GNB1L: variants seen among roughly 807,000 people sequenced by gnomAD.
The protein encoded by GNB1L is G protein subunit beta 1 like.
Under a neutral mutation model 29.1 loss-of-function variants are expected in GNB1L, and 20 were observed. That is an observed-to-expected ratio of 0.69 (90% confidence interval 0.48 to 1.00). The LOEUF is 1.00. GNB1L is among the 50% of genes least tolerant of loss of function. The pLI, the probability that GNB1L is intolerant of heterozygous loss-of-function variation, is 0.00. For missense variants in GNB1L, 421 were observed against 464.9 expected, an observed-to-expected ratio of 0.91 and a Z score of 0.87; for synonymous variants, 193 against 206.5, an observed-to-expected ratio of 0.93 and a Z score of 0.56.
rs1937526304 is a variant in GNB1L, at chr22:19,816,653, TACAC to T, written c.254+3941_254+3944del. The stretch of plus-strand genomic sequence containing the variant: ...ACACCTCATACACACCTCACATACA[TACAC>T]ACCACACAGGCACCTCACACATACA... On this transcript the variant is annotated intron_variant, in intron 4 of 7. Coordinates refer to ENST00000329517, the MANE Select transcript of GNB1L (RefSeq NM_053004.3). This position sits in a 1 kb window ranked among gnomAD's most constrained non-coding sequence, Gnocchi z 4.4. Among the ~76,000 whole-genome samples the T allele has an allele frequency of 6.6e-6, 1 of 151,866 alleles. No individual in the cohort carries two copies. The highest frequency in any genetic ancestry group is 1.5e-5 in the Non-Finnish European group (1 of 67,914).
At chr22:19,806,635 T>C in intron 6 of GNB1L, 24 bp downstream of exon 6, 1 of 1,482,950 alleles carries the variant, frequency 6.7e-7, no homozygotes, top group Non-Finnish European at 9.4e-7. Flanking sequence ...CGGCAGGGCG[T>C]GGCTGGTGCA....
At chr22:19,790,093 A>G (rs1404388083) in intron 7 of GNB1L, among the ~76,000 whole-genome samples, 1 of 152,196 alleles carries the variant, frequency 6.6e-6, no homozygotes, top group Non-Finnish European at 1.5e-5. Context: ...ATTTCTGAAC[A>G]TGTAAGAACT....
intron 2 of GNB1L, among the ~76,000 whole-genome samples, chr22:19,824,997 A>G (rs1009950266): frequency 2.6e-5 from 4 of 152,186 alleles, no homozygotes; most frequent in African/African-American, 9.6e-5. Context: ...AAATCAGCAA[A>G]GAGTACCACG....
intron 2 of GNB1L, chr22:19,850,276 C>T: frequency 1.0e-6 from 1 of 983,818 alleles, no homozygotes. Context: ...CAATTGTGTA[C>T]CAGGCCACAG....
In GNB1L at chr22:19,791,657, G is replaced by A. The variant is rs190056626; in HGVS notation, c.733-2697C>T. Among the ~76,000 whole-genome samples, 55 of 152,332 alleles carry A rather than the reference G, an allele frequency of 3.6e-4. No individual in the cohort carries two copies. In the East Asian group the frequency reaches 4.6e-3, roughly 13 times the overall value. The stretch of plus-strand genomic sequence containing the variant: ...GAGTCTTGTGTGAGGGCTGGACTGC[G>A]CATGCTCACGGTGGACTCCACAGGG... On this transcript the variant is annotated intron_variant, in intron 7 of 7. Transcript: ENST00000329517.
At chr22:19,824,471 T>C (rs1162700141) in intron 2 of GNB1L, among the ~76,000 whole-genome samples, 2 of 152,218 alleles carry the variant, frequency 1.3e-5, no homozygotes, top group African/African-American at 4.8e-5. Context: ...CTGCCTGCTC[T>C]TCCAGGTGTC....
At chr22:19,815,168 A>C (rs1937519662) in intron 4 of GNB1L, among the ~76,000 whole-genome samples, 6 of 152,224 alleles carry the variant, frequency 3.9e-5, no homozygotes. Flanking sequence ...GAAGAAATTG[A>C]AACAAAGTCT....
chr22:19,800,793 G>T (rs1009640953), intron 7 of GNB1L, among the ~76,000 whole-genome samples: 1 of 152,208 alleles, frequency 6.6e-6, no homozygotes, highest in Admixed American at 6.5e-5. Flanking sequence ...CACTGGGGCC[G>T]CTCACAGAAC....
chr22:19,828,615 A>G (rs1376949011), intron 2 of GNB1L, among the ~76,000 whole-genome samples: 1 of 151,910 alleles, frequency 6.6e-6, no homozygotes, highest in African/African-American at 2.4e-5. Context: ...CACTGCATTA[A>G]AGCCTGGGTG....
intron 6 of GNB1L, among the ~76,000 whole-genome samples, chr22:19,805,781 CAA>C (rs535320240): frequency 6.8e-6 from 1 of 147,436 alleles, no homozygotes; most frequent in African/African-American, 2.5e-5. Context: ...GACTCCATCA[CAA>C]AAAAAAAATA....
Position 19,802,047 on chromosome 22 carries a change from C to G in GNB1L, c.686G>C (p.Gly229Ala), listed in dbSNP as rs1402335458. 6.2e-7 allele frequency: 1 copy of G among 1,610,242 alleles called. No individual in the cohort carries two copies. Among genetic ancestry groups the G allele is most frequent in the African/African-American group, 1.3e-5 (1 of 74,876 alleles). The part of the protein sequence containing the change: ...QKARGISGSA[G>A]KALAVWSLDW... ...CAGGCTCCAGACAGCCAGCGCCTTC[C>G]CCGCGGAGCCTGAGATGCCCCTGGC... The change falls in exon 7 of 8, where the codon GGG becomes GCG. Residue 229 changes from glycine to alanine, a missense_variant. By Grantham distance (60) the Gly-to-Ala change is moderately conservative. Transcript: ENST00000329517.
rs73379999 is a variant in GNB1L, at chr22:19,848,026, G to A, written c.-21+6417C>T. ...CTAAATTTCCATATTTATTTGGCCC[G>A]TTTCAAAGTCCTCTATTCTCTGCTC... is the stretch of plus-strand genomic sequence containing the variant. On this transcript the variant is annotated intron_variant, in intron 2 of 7. Transcript: ENST00000329517. The A allele has an allele frequency of 3.5e-3, 3,455 of 985,148 alleles. 90 individuals are homozygous for A. In the African/African-American group the frequency reaches 0.056, roughly 16 times the overall value. 61.0% of individuals were successfully genotyped at this position (985,148 alleles called of 1,614,324 possible). A position where few individuals can be genotyped will look rare whatever the true frequency, so the allele number is the denominator to read the frequency against.
intron 2 of GNB1L, 31 bp from the exon 3 acceptor site, chr22:19,821,406 T>C: frequency 1.3e-6 from 2 of 1,597,304 alleles, no homozygotes; most frequent in Middle Eastern, 1.7e-4. Context: ...TGTGAGTGAC[T>C]GCGTCCCTAT....
chr22:19,791,383 T>A (rs1037997182), intron 7 of GNB1L, among the ~76,000 whole-genome samples: 4 of 152,102 alleles, frequency 2.6e-5, no homozygotes, highest in Admixed American at 2.6e-4. Context: ...GTGGACAAAA[T>A]ACACAAGGCA....
intron 7 of GNB1L, among the ~76,000 whole-genome samples, chr22:19,801,254 G>C (rs976653063): frequency 6.6e-6 from 1 of 152,136 alleles, no homozygotes; most frequent in Non-Finnish European, 1.5e-5. Context: ...GGGGCTCCTT[G>C]TCCACCCCCC....
chr22:19,798,508 A>G (rs1444666108), intron 7 of GNB1L, among the ~76,000 whole-genome samples: 1 of 152,030 alleles, frequency 6.6e-6, no homozygotes, highest in Non-Finnish European at 1.5e-5. Flanking sequence ...TCCCAGGGAG[A>G]AAAGAGCTGC....
chr22:19,835,401 C>CA (rs138573984), intron 2 of GNB1L, among the ~76,000 whole-genome samples: 193 of 141,944 alleles, frequency 1.4e-3, no homozygotes, highest in African/African-American at 2.1e-3. Flanking sequence ...AACAAACAAA[C>CA]AAAAAAAAAA....
chr22:19,812,001 C>A (rs996379364), intron 5 of GNB1L, among the ~76,000 whole-genome samples: 15 of 152,240 alleles, frequency 9.9e-5, no homozygotes, highest in Non-Finnish European at 2.1e-4. Flanking sequence ...CACTGTCCTC[C>A]ATGTGCAGAA....
intron 1 of GNB1L, 113 bp from the exon 2 acceptor site, chr22:19,854,652 G>GCGCGGACCGAGAAACTGAGGCC (rs1356469321): frequency 7.8e-5 from 12 of 152,996 alleles, no homozygotes; most frequent in Admixed American, 7.2e-4. Flanking sequence ...CAAACCCCCG[G>GCGCGGACCGAGAAACTGAGGCC]CGCGGACCGA....
Sources: allele counts gnomAD v4.1 joint callset (sites outside exome capture counted in the v4.1 genomes callset), GRCh38; gene constraint gnomAD v4.1.1; non-coding constraint Gnocchi (gnomAD v3.1); transcripts MANE v1.5; gene names NCBI Gene and HGNC (gene_info 2026-07-23, HGNC 2026-07-21).